Variants in PARD3B observed in about 807,000 individuals in gnomAD.
PARD3B encodes the protein partitioning defective 3 homolog B.
PARD3B carries 103 observed loss-of-function variants against 130.2 expected under a neutral mutation model. The observed-to-expected ratio is 0.79, with a 90% CI of 0.67 to 0.93. PARD3B has a LOEUF of 0.93. PARD3B is among the 40% of genes least tolerant of loss of function. PARD3B has a pLI of 0.00. For synonymous variants in PARD3B, 583 were observed against 553.2 expected (o/e 1.05, Z -0.76); for missense variants, 1,609 against 1,499.2 (o/e 1.07, Z -1.21).
intron 22 of PARD3B, among the ~76,000 whole-genome samples, chr2:205,559,708 C>T (rs1186040312): frequency 1.3e-5 from 2 of 151,444 alleles, no homozygotes; most frequent in Non-Finnish European, 2.9e-5. Flanking sequence ...AAGCGATTCT[C>T]CTGCCTCAGC....
chr2:205,543,563 C>A (rs887340598), intron 21 of PARD3B, among the ~76,000 whole-genome samples: 1 of 152,168 alleles, frequency 6.6e-6, no homozygotes, highest in Non-Finnish European at 1.5e-5. Flanking sequence ...TGCCAACATA[C>A]GAGCAGCATT....
At chr2:204,733,855 G>T (rs1390494844) in intron 2 of PARD3B, among the ~76,000 whole-genome samples, 1 of 152,132 alleles carries the variant, frequency 6.6e-6, no homozygotes, top group African/African-American at 2.4e-5. Flanking sequence ...AAATTCACTT[G>T]AAATGGATCA....
chr2:205,502,422 G>A (rs554129335), intron 21 of PARD3B, among the ~76,000 whole-genome samples: 35 of 152,240 alleles, frequency 2.3e-4, no homozygotes, highest in African/African-American at 7.7e-4. Flanking sequence ...GATGCGCCAC[G>A]TGGTCATCAA....
chr2:204,656,198 G>T (rs1469295029), intron 1 of PARD3B, among the ~76,000 whole-genome samples: 3 of 152,144 alleles, frequency 2.0e-5, no homozygotes, highest in Admixed American at 1.3e-4. Flanking sequence ...GAGAAGTGCT[G>T]CAGAGTTGCA....
Position 205,221,411 on chromosome 2 carries a change from G to C in PARD3B, c.2141-24367G>C, listed in dbSNP as rs576383822. Among the ~76,000 whole-genome samples, 3 of 152,302 alleles carry C rather than the reference G, an allele frequency of 2.0e-5. No individual in the cohort carries two copies. The South Asian group carries it at 6.2e-4, about 32-fold the overall frequency. On this transcript the variant is annotated intron_variant, in intron 15 of 22. Transcript: ENST00000406610. ...ACGAAAAACGACTTCAGGATTTTTA[G>C]CTGACTGCACACAGTTGATGAGCCA...
In PARD3B at chr2:204,800,029, A is replaced by G. The variant is rs147024965; in HGVS notation, c.222+113747A>G. ...TACAAAAACGTGATCTCACCAAACA[A>G]ATAAAGTACCAGTGACTAATCCTGG... On this transcript the variant is annotated intron_variant, in intron 2 of 22. Transcript: ENST00000406610. Among the ~76,000 whole-genome samples, 780 of 152,272 alleles carry G rather than the reference A, an allele frequency of 5.1e-3. 8 individuals carry two copies. The highest frequency in any genetic ancestry group is 0.018 in the African/African-American group (730 of 41,578).
chr2:204,947,385 A>G (rs1458082085), intron 2 of PARD3B, among the ~76,000 whole-genome samples: 14 of 151,204 alleles, frequency 9.3e-5, no homozygotes, highest in Admixed American at 8.5e-4. Flanking sequence ...CTAGTTAAAC[A>G]TAGGGCAGGA....
chr2:204,912,485 A>G (rs2047275841), intron 2 of PARD3B, among the ~76,000 whole-genome samples: 1 of 152,194 alleles, frequency 6.6e-6, no homozygotes, highest in Non-Finnish European at 1.5e-5. Flanking sequence ...CTCCAAGAAG[A>G]TATCTCTTTT....
intron 2 of PARD3B, among the ~76,000 whole-genome samples, chr2:204,909,738 G>A (rs1029510323): frequency 4.6e-5 from 7 of 152,180 alleles, no homozygotes; most frequent in Admixed American, 4.6e-4. Context: ...TCGGAAGGAA[G>A]TCTCACTTAG....
At chr2:205,581,109 G>A (rs1442586423) in intron 22 of PARD3B, among the ~76,000 whole-genome samples, 1 of 151,784 alleles carries the variant, frequency 6.6e-6, no homozygotes, top group Non-Finnish European at 1.5e-5. Context: ...AAGGGAATTG[G>A]TATATCAAAG....
At chr2:205,210,849 T>C (rs1182809979) in intron 15 of PARD3B, among the ~76,000 whole-genome samples, 1 of 152,152 alleles carries the variant, frequency 6.6e-6, no homozygotes, top group African/African-American at 2.4e-5. Flanking sequence ...GATCTGAGCA[T>C]TTCCTTTATA....
intron 2 of PARD3B, among the ~76,000 whole-genome samples, chr2:204,730,253 G>C (rs985581300): frequency 1.3e-5 from 2 of 152,032 alleles, no homozygotes; most frequent in African/African-American, 4.8e-5. Flanking sequence ...ATTTTTAGTG[G>C]AGATGGGGCT....
chr2:204,838,675 C>T (rs543167555), intron 2 of PARD3B, among the ~76,000 whole-genome samples: 5 of 151,996 alleles, frequency 3.3e-5, no homozygotes, highest in South Asian at 4.2e-4. Context: ...CTGCAGTTTA[C>T]GGAAATGTAT....
chr2:205,237,857 C>A (rs565787049), intron 15 of PARD3B, among the ~76,000 whole-genome samples: 1 of 152,134 alleles, frequency 6.6e-6, no homozygotes. Context: ...AGTTCTGTTA[C>A]GTTTTGGTCT....
intron 2 of PARD3B, among the ~76,000 whole-genome samples, chr2:204,921,790 C>T (rs2047689268): frequency 6.6e-6 from 1 of 151,904 alleles, no homozygotes; most frequent in Non-Finnish European, 1.5e-5. Context: ...AGAGAAGAAA[C>T]AGAAAGAGAT....
At chr2:205,037,675 G>A (rs1244571721) in intron 3 of PARD3B, among the ~76,000 whole-genome samples, 1 of 118,392 alleles carries the variant, frequency 8.4e-6, no homozygotes, top group Non-Finnish European at 1.9e-5. Flanking sequence ...GTATATAGTG[G>A]ACTATATATA....
chr2:205,018,950 G>T (rs1285118632), intron 3 of PARD3B, among the ~76,000 whole-genome samples: 1 of 151,970 alleles, frequency 6.6e-6, no homozygotes, highest in Non-Finnish European at 1.5e-5. Flanking sequence ...TTATCAGATT[G>T]GGTGGTTCTT....
chr2:204,602,339 C>A (rs1369862790), intron 1 of PARD3B, among the ~76,000 whole-genome samples: 1 of 151,988 alleles, frequency 6.6e-6, no homozygotes, highest in Non-Finnish European at 1.5e-5. Flanking sequence ...ATTTGACCGT[C>A]TTTTAATTTT....
rs1419932674 is a variant in PARD3B, at chr2:205,473,583, TAAAC to T, written c.3045-26311_3045-26308del. Among the ~76,000 whole-genome samples the T allele has an allele frequency of 1.3e-5, 2 of 150,676 alleles. No individual in the cohort carries two copies. The highest frequency in any genetic ancestry group is 3.0e-5 in the Non-Finnish European group (2 of 67,668). On this transcript the variant is annotated intron_variant, in intron 20 of 22. Transcript: ENST00000406610. The surrounding 1 kb of genome is among the most constrained non-coding windows in gnomAD (Gnocchi z 4.9). Reference sequence around the variant, plus strand: ...TTGTTGGAAAGAGCTGAAATAAAAATAAACAGGAAGGTGGCATGTACTAACTGAA... The same window carrying T: ...TTGTTGGAAAGAGCTGAAATAAAAATAGGAAGGTGGCATGTACTAACTGAA...
Sources: allele counts gnomAD v4.1 joint callset (sites outside exome capture counted in the v4.1 genomes callset), GRCh38; gene constraint gnomAD v4.1.1; non-coding constraint Gnocchi (gnomAD v3.1); transcripts MANE v1.5; gene names NCBI Gene and HGNC (gene_info 2026-07-23, HGNC 2026-07-21).